Variants in PLCG1 observed in about 807,000 individuals in gnomAD.
PLCG1 encodes phospholipase C gamma 1.
A neutral mutation model predicts 177.8 loss-of-function variants in PLCG1; 71 were observed. The ratio of observed to expected loss-of-function variants is 0.40; its 90% confidence interval spans 0.33 to 0.49. PLCG1 has a LOEUF of 0.49. Among genes scored for constraint, PLCG1 ranks in the 20% least tolerant of loss-of-function variants. The pLI, the probability that PLCG1 is intolerant of heterozygous loss-of-function variation, is 0.72. For synonymous variants in PLCG1, 658 were observed against 647.9 expected (o/e 1.02, Z -0.24); for missense variants, 1,281 against 1,709.0 (o/e 0.75, Z 4.42).
Position 41,162,312 on chromosome 20 carries a change from T to C in PLCG1, c.513-140T>C, listed in dbSNP as rs1320625204. On this transcript the variant is annotated intron_variant, in intron 4 of 31. Coordinates refer to ENST00000685551, the MANE Select transcript of PLCG1 (RefSeq NM_002660.3). ...GAAGGGACTAACCTCACCCCATGGG[T>C]TCTGATCCAGTCTTGCCCTCAGGCC... 1.4e-5 allele frequency: 7 copies of C among 484,032 alleles called. 1 individual carries two copies. The highest frequency in any genetic ancestry group is 3.6e-5 in the South Asian group (2 of 55,198). 30.0% of individuals were successfully genotyped at this position (484,032 alleles called of 1,614,324 possible). A position where few individuals can be genotyped will look rare whatever the true frequency, so the allele number is the denominator to read the frequency against.
chr20:41,153,220 T>TG lies in PLCG1; in HGVS notation c.218-6384dup. Among the ~76,000 whole-genome samples the TG allele has an allele frequency of 6.6e-6, 1 of 152,382 alleles. No homozygotes were observed. Among genetic ancestry groups the TG allele is most frequent in the Admixed American group, 6.5e-5 (1 of 15,304 alleles). ...TTTCTTTACTCCATGCATGTTTAAATGGATAGTTTTTGCTACCATTTACAT... is the reference window on the plus strand; with the variant it reads ...TTTCTTTACTCCATGCATGTTTAAATGGGATAGTTTTTGCTACCATTTACAT... On this transcript the variant is annotated intron_variant, in intron 1 of 31. Coordinates refer to ENST00000685551, the MANE Select transcript of PLCG1 (RefSeq NM_002660.3). This position sits in a 1 kb window ranked among gnomAD's most constrained non-coding sequence, Gnocchi z 5.1.
At position 41,153,540 on chromosome 20, in the gene PLCG1, C is replaced by T. The variant is rs1047123497; in HGVS notation, c.218-6066C>T. Among the ~76,000 whole-genome samples the T allele has an allele frequency of 2.0e-5, 3 of 152,126 alleles. No individual in the cohort carries two copies. The highest frequency in any genetic ancestry group is 7.2e-5 in the African/African-American group (3 of 41,406). ...TCTTGAACTCCTGGCCTCAAGCAGT[C>T]CTCTTGCCTCAGCCTTCTAAAGTGA... is the stretch of plus-strand genomic sequence containing the variant. On this transcript the variant is annotated intron_variant, in intron 1 of 31. Coordinates refer to ENST00000685551, the MANE Select transcript of PLCG1 (RefSeq NM_002660.3). The surrounding 1 kb of genome is among the most constrained non-coding windows in gnomAD (Gnocchi z 5.1).
intron 20 of PLCG1, 61 bp from the exon 21 acceptor site, chr20:41,168,706 C>T (rs2035787170): frequency 2.0e-6 from 2 of 1,011,306 alleles, no homozygotes; most frequent in African/African-American, 1.6e-5. Flanking sequence ...CACATGAAGC[C>T]CCAGGTTGGC....
chr20:41,140,707 G>C (rs1022805309), intron 1 of PLCG1, among the ~76,000 whole-genome samples: 1 of 152,216 alleles, frequency 6.6e-6, no homozygotes, highest in Non-Finnish European at 1.5e-5. Context: ...GACAAGTTTG[G>C]TTGTCCTGGT....
In PLCG1 at chr20:41,147,029, G is replaced by T. The variant is rs1453500983; in HGVS notation, c.217+9171G>T. Among the ~76,000 whole-genome samples, 2 of 152,180 alleles carry T rather than the reference G, an allele frequency of 1.3e-5. No individual in the cohort carries two copies. The highest frequency in any genetic ancestry group is 2.4e-5 in the African/African-American group (1 of 41,436). ...AGGTTGGGCAGCGATGGGGGCAGGG[G>T]TGATGGTCCTTCTCTGAGGCACTGA... On this transcript the variant is annotated intron_variant, in intron 1 of 31. Transcript: ENST00000685551. This position sits in a 1 kb window ranked among gnomAD's most constrained non-coding sequence, Gnocchi z 4.0.
At position 41,166,091 on chromosome 20, in the gene PLCG1, C is replaced by A; in HGVS notation, c.1800-103C>A. ...GCTCCTCAGGAGATTGGCCTCCCTC[C>A]TTGAGGCTCCCTCCTTGAGTTCCAC... On this transcript the variant is annotated intron_variant, in intron 16 of 31. Transcript: ENST00000685551. This position sits in a 1 kb window ranked among gnomAD's most constrained non-coding sequence, Gnocchi z 8.6. 1.9e-6 allele frequency: 2 copies of A among 1,069,276 alleles called. No homozygotes were observed. Among genetic ancestry groups the A allele is most frequent in the Non-Finnish European group, 2.7e-6 (2 of 728,438 alleles). 66.2% of individuals were successfully genotyped at this position (1,069,276 alleles called of 1,614,324 possible). A position where few individuals can be genotyped will look rare whatever the true frequency, so the allele number is the denominator to read the frequency against.
intron 1 of PLCG1, among the ~76,000 whole-genome samples, chr20:41,141,184 C>T (rs1320611638): frequency 6.6e-6 from 1 of 152,092 alleles, no homozygotes; most frequent in Non-Finnish European, 1.5e-5. Flanking sequence ...CTGGTGTAGA[C>T]ACTGTGGAGG....
Position 41,163,602 on chromosome 20 carries a change from C to A in PLCG1, c.892-113C>A. Reference sequence around the variant, plus strand: ...CACCTTGTTTCTACCTACTGTGCACCTTGCCCACCCCCAGTTGGGACAGAG... The same window carrying A: ...CACCTTGTTTCTACCTACTGTGCACATTGCCCACCCCCAGTTGGGACAGAG... On this transcript the variant is annotated intron_variant, in intron 9 of 31. Transcript: ENST00000685551. The surrounding 1 kb of genome is among the most constrained non-coding windows in gnomAD (Gnocchi z 5.2). 1.9e-6 allele frequency: 2 copies of A among 1,053,874 alleles called. No homozygotes were observed. Among genetic ancestry groups the A allele is most frequent in the South Asian group, 1.3e-5 (1 of 77,304 alleles). 65.3% of individuals were successfully genotyped at this position (1,053,874 alleles called of 1,614,324 possible).
At chr20:41,139,572 C>G (rs897188616) in intron 1 of PLCG1, among the ~76,000 whole-genome samples, 19 of 152,120 alleles carry the variant, frequency 1.2e-4, no homozygotes, top group African/African-American at 4.1e-4. Context: ...CCTTGATTTC[C>G]TCATGTGTAA....
In PLCG1 at chr20:41,157,357, C is replaced by T. The variant is rs534651883; in HGVS notation, c.218-2249C>T. 2.4e-4 allele frequency among the ~76,000 whole-genome samples: 36 copies of T among 152,152 alleles called. No individual in the cohort carries two copies. The highest frequency in any genetic ancestry group is 8.2e-4 in the African/African-American group (34 of 41,496). On this transcript the variant is annotated intron_variant, in intron 1 of 31. Transcript: ENST00000685551. This position sits in a 1 kb window ranked among gnomAD's most constrained non-coding sequence, Gnocchi z 5.4. ...AGAGTTTGTGGTTGTTCTGCAGTTTCTGATCTAGCCATTTCCCCTGATGGA... is the reference window on the plus strand; with the variant it reads ...AGAGTTTGTGGTTGTTCTGCAGTTTTTGATCTAGCCATTTCCCCTGATGGA...
chr20:41,169,155 G>T lies in PLCG1; in HGVS notation c.2560G>T (p.Ala854Ser). 1 of 1,613,364 alleles carries T rather than the reference G, an allele frequency of 6.2e-7. No individual in the cohort carries two copies. Among genetic ancestry groups the T allele is most frequent in the African/African-American group, 1.3e-5 (1 of 75,032 alleles). Reference sequence around the variant, plus strand: ...CGTGGAAGAGATGGTCAACCCCGTGGCCCTGGAGCCGGAGAGGGAGGTAAG... The same window carrying T: ...CGTGGAAGAGATGGTCAACCCCGTGTCCCTGGAGCCGGAGAGGGAGGTAAG... ...NYVEEMVNPV[A>S]LEPEREHLDE... Residue 854 changes from alanine to serine, a missense_variant, in exon 22 of 32, where the codon GCC becomes TCC. By Grantham distance (99) the Ala-to-Ser change is moderately conservative (BLOSUM62 1). Around this residue, in one of 4 missense-constraint regions of PLCG1, gnomAD observed 723 missense variants for 1,030.0 expected, o/e 0.70. Transcript: ENST00000685551.
Position 41,174,643 on chromosome 20 carries a change from A to C in PLCG1, c.*134A>C. The C allele has an allele frequency of 1.3e-6, 1 of 754,208 alleles. No individual in the cohort carries two copies. Among genetic ancestry groups the C allele is most frequent in the Admixed American group, 2.3e-5 (1 of 43,900 alleles). 46.7% of individuals were successfully genotyped at this position (754,208 alleles called of 1,614,324 possible). On this transcript the variant is annotated 3_prime_UTR_variant, in exon 32 of 32. Transcript: ENST00000685551. The surrounding 1 kb of genome is among the most constrained non-coding windows in gnomAD (Gnocchi z 5.8). ...CCTGAAGCCTGGATTCCAGCAGTGA[A>C]TGCTAGACAGAAACCAAGCCATTAA...
In PLCG1 at chr20:41,163,077, G is replaced by T. The variant is rs2035565862; in HGVS notation, c.716+85G>T. 2 of 1,525,310 alleles carry T rather than the reference G, an allele frequency of 1.3e-6. No homozygotes were observed. Among genetic ancestry groups the T allele is most frequent in the Non-Finnish European group, 1.8e-6 (2 of 1,099,322 alleles). The allele number at this position is 1,525,310 out of a possible 1,614,324, so 94.5% of individuals were successfully genotyped here. A position where few individuals can be genotyped will look rare whatever the true frequency, so the allele number is the denominator to read the frequency against. On this transcript the variant is annotated intron_variant, in intron 7 of 31. Coordinates refer to ENST00000685551, the MANE Select transcript of PLCG1 (RefSeq NM_002660.3). This position sits in a 1 kb window ranked among gnomAD's most constrained non-coding sequence, Gnocchi z 5.2. ...CGATTCTTGATCCAGGTGGGAGGCA[G>T]TGGGAGTAGGGAACCATGCTGGACC...
Position 41,137,562 on chromosome 20 carries a change from G to GCCCCAA in PLCG1, c.-77_-72dup. The GCCCCAA allele has an allele frequency of 1.2e-6, 1 of 830,310 alleles. No homozygotes were observed. Among genetic ancestry groups the GCCCCAA allele is most frequent in the Non-Finnish European group, 1.6e-6 (1 of 622,538 alleles). 51.4% of individuals were successfully genotyped at this position (830,310 alleles called of 1,614,324 possible). A position where few individuals can be genotyped will look rare whatever the true frequency, so the allele number is the denominator to read the frequency against. ...CCGCTCGTCTGCCGCCTCAGCCTCA[G>GCCCCAA]CCCCAACCTCAGCCGCCGCCGTTGC... On this transcript the variant is annotated 5_prime_UTR_variant, in exon 1 of 32. Coordinates refer to ENST00000685551, the MANE Select transcript of PLCG1 (RefSeq NM_002660.3). This position sits in a 1 kb window ranked among gnomAD's most constrained non-coding sequence, Gnocchi z 7.3.
rs1445558744 is a variant in PLCG1, at chr20:41,172,180, T to C, written c.2809-13T>C. ...TGTAGCCTGGGGCTACAGGGCCTTG[T>C]GTGTGTCACCAGCTCACTGAAGGGA... On this transcript the variant is annotated splice_polypyrimidine_tract_variant and intron_variant, in intron 24 of 31. Coordinates refer to ENST00000685551, the MANE Select transcript of PLCG1 (RefSeq NM_002660.3). This position sits in a 1 kb window ranked among gnomAD's most constrained non-coding sequence, Gnocchi z 7.0. 3.1e-6 allele frequency: 5 copies of C among 1,603,960 alleles called. No homozygotes were observed. Among genetic ancestry groups the C allele is most frequent in the Non-Finnish European group, 3.4e-6 (4 of 1,170,730 alleles).
At position 41,175,903 on chromosome 20, in the gene PLCG1, T is replaced by A. The variant is rs1177169485; in HGVS notation, c.*1394T>A. The A allele has an allele frequency of 6.6e-6, 1 of 152,304 alleles. No individual in the cohort carries two copies. The highest frequency in any genetic ancestry group is 2.4e-5 in the African/African-American group (1 of 41,416). The allele number at this position is 152,304 out of a possible 1,614,324, so 9.4% of individuals were successfully genotyped here. On this transcript the variant is annotated 3_prime_UTR_variant, in exon 32 of 32. Transcript: ENST00000685551. ...GGGCTAACAGGAGTTGTGGGTCCAC[T>A]CTCTCCTGCCCACCCTCTGAGGGTG...
Position 41,157,518 on chromosome 20 carries a change from GC to G in PLCG1, c.218-2086del, listed in dbSNP as rs2035362003. On this transcript the variant is annotated intron_variant, in intron 1 of 31. Transcript: ENST00000685551. This position sits in a 1 kb window ranked among gnomAD's most constrained non-coding sequence, Gnocchi z 5.4. ...TCCCTATTTGGTTTTCCCTCCTTCT[GC>G]CTGTGTACCTGCCTTTTTCATTTCT... is the stretch of plus-strand genomic sequence containing the variant. Among the ~76,000 whole-genome samples the G allele has an allele frequency of 6.6e-6, 1 of 152,090 alleles. No homozygotes were observed. The highest frequency in any genetic ancestry group is 1.5e-5 in the Non-Finnish European group (1 of 68,026).
In PLCG1 at chr20:41,172,389, G is replaced by T. The variant is rs1439079776; in HGVS notation, c.2906-32G>T. The T allele has an allele frequency of 6.3e-7, 1 of 1,599,694 alleles. No homozygotes were observed. The highest frequency in any genetic ancestry group is 1.3e-5 in the African/African-American group (1 of 74,582). ...CCCCCCAACACTTCCTGGGTGGGCG[G>T]GCTCTGTAAGTGTTTTCCCTGTTTG... On this transcript the variant is annotated intron_variant, in intron 25 of 31. Coordinates refer to ENST00000685551, the MANE Select transcript of PLCG1 (RefSeq NM_002660.3). The surrounding 1 kb of genome is among the most constrained non-coding windows in gnomAD (Gnocchi z 7.0).
Position 41,163,027 on chromosome 20 carries a change from G to T in PLCG1, c.716+35G>T. The T allele has an allele frequency of 1.9e-6, 3 of 1,608,574 alleles. No individual in the cohort carries two copies. The highest frequency in any genetic ancestry group is 8.5e-7 in the Non-Finnish European group (1 of 1,174,982). On this transcript the variant is annotated intron_variant, in intron 7 of 31. Coordinates refer to ENST00000685551, the MANE Select transcript of PLCG1 (RefSeq NM_002660.3). This position sits in a 1 kb window ranked among gnomAD's most constrained non-coding sequence, Gnocchi z 5.2. ...GGAGTGGGGAGGTGGGGTTTTCCCT[G>T]GGCCCCCTTCATCTCTCCACTGGGC...
Sources: allele counts gnomAD v4.1 joint callset (sites outside exome capture counted in the v4.1 genomes callset), GRCh38; gene constraint gnomAD v4.1.1; regional missense constraint gnomAD v4.1.1; non-coding constraint Gnocchi (gnomAD v3.1); transcripts MANE v1.5; gene names NCBI Gene and HGNC (gene_info 2026-07-23, HGNC 2026-07-21).